TEAD4: variants seen among roughly 807,000 people sequenced by gnomAD.
TEAD4 encodes transcriptional enhancer factor TEF-3.
In TEAD4, 36 loss-of-function variants were observed where a neutral mutation model predicts 52.4. The ratio of observed to expected loss-of-function variants is 0.69; its 90% confidence interval spans 0.53 to 0.91. The LOEUF (loss-of-function observed/expected upper bound fraction) is 0.91. Among genes scored for constraint, TEAD4 ranks in the 40% least tolerant of loss-of-function variants. The pLI is 0.00. For synonymous variants in TEAD4, 220 were observed against 231.0 expected (o/e 0.95, Z 0.43); for missense variants, 508 against 583.9 (o/e 0.87, Z 1.34).
intron 2 of TEAD4, among the ~76,000 whole-genome samples, chr12:2,987,441 TTTTG>T (rs869040505): frequency 4.6e-5 from 7 of 151,694 alleles, no homozygotes; most frequent in East Asian, 2.0e-4. Flanking sequence ...TTTTGTTTTG[TTTTG>T]TTTTTTTGAG....
intron 10 of TEAD4, among the ~76,000 whole-genome samples, chr12:3,027,850 G>C (rs562544684): frequency 7.2e-5 from 11 of 152,324 alleles, no homozygotes; most frequent in African/African-American, 2.6e-4. Flanking sequence ...CTGGGTGACA[G>C]AGCAAGATCC....
At chr12:3,030,533 C>A (rs559845843) in intron 10 of TEAD4, among the ~76,000 whole-genome samples, 1 of 152,300 alleles carries the variant, frequency 6.6e-6, no homozygotes, top group South Asian at 2.1e-4. Flanking sequence ...CCCGTGGAAT[C>A]CAGTGTGGTC....
rs1223331098 is a variant in TEAD4, at chr12:3,038,090, G to C, written c.1020G>C (p.Gln340His). 4 of 1,613,006 alleles carry C rather than the reference G, an allele frequency of 2.5e-6. No individual in the cohort carries two copies. Among genetic ancestry groups the C allele is most frequent in the Non-Finnish European group, 3.4e-6 (4 of 1,179,264 alleles). ...CGAAGGTCTGCTCTTTCGGCAAGCAGGTGGTGGAGAAAGTTGAGGTAGGAG... is the reference window on the plus strand; with the variant it reads ...CGAAGGTCTGCTCTTTCGGCAAGCACGTGGTGGAGAAAGTTGAGGTAGGAG... Residue 340 changes from glutamine (Q) to histidine (H), a missense_variant, in exon 11 of 13, where the codon CAG (glutamine) becomes CAC (histidine). Physicochemically the swap from Gln to His is conservative, Grantham distance 24. Coordinates refer to ENST00000359864, the MANE Select transcript of TEAD4 (RefSeq NM_003213.4).
intron 2 of TEAD4, chr12:2,960,462 A>G: frequency 1.5e-6 from 1 of 649,056 alleles, no homozygotes; most frequent in Non-Finnish European, 1.9e-6. Flanking sequence ...CCTGATGGGG[A>G]CTAGTGGATC....
At chr12:2,976,934 A>T (rs1415806550) in intron 2 of TEAD4, among the ~76,000 whole-genome samples, 2 of 152,150 alleles carry the variant, frequency 1.3e-5, no homozygotes, top group East Asian at 3.9e-4. Context: ...ATCCCAGGCC[A>T]TCTCCATTTA....
chr12:2,991,794 C>T (rs939593968), intron 2 of TEAD4, among the ~76,000 whole-genome samples: 3 of 152,150 alleles, frequency 2.0e-5, no homozygotes, highest in Non-Finnish European at 2.9e-5. Flanking sequence ...CCCAAACTCT[C>T]ATGAAAACTT....
chr12:3,019,871 G>A (rs1321094375), intron 8 of TEAD4, among the ~76,000 whole-genome samples: 2 of 152,058 alleles, frequency 1.3e-5, no homozygotes, highest in Non-Finnish European at 2.9e-5. Context: ...AAGTCACAGC[G>A]TCAGGTCCCG....
intron 10 of TEAD4, among the ~76,000 whole-genome samples, chr12:3,025,168 T>C (rs2098271323): frequency 1.3e-5 from 2 of 152,218 alleles, no homozygotes; most frequent in Admixed American, 1.3e-4. Flanking sequence ...GGTCTTGAAC[T>C]CCTGACCTCA....
intron 2 of TEAD4, among the ~76,000 whole-genome samples, chr12:2,979,694 A>G (rs1043486667): frequency 1.3e-5 from 2 of 152,196 alleles, no homozygotes; most frequent in African/African-American, 2.4e-5. Context: ...TTGCATCTTC[A>G]TAGATGACTC....
intron 8 of TEAD4, 83 bp from the exon 9 acceptor site, chr12:3,020,551 A>G: frequency 3.5e-6 from 5 of 1,419,868 alleles, no homozygotes; most frequent in Non-Finnish European, 4.6e-6. Context: ...GGTCTGTCCG[A>G]GGAGGCCTGG....
rs1275981348 is a variant in TEAD4, at chr12:2,997,827, TA to T, written c.226+2841del. Among the ~76,000 whole-genome samples, 3 of 151,704 alleles carry T rather than the reference TA, an allele frequency of 2.0e-5. No homozygotes were observed. In the East Asian group the frequency reaches 5.8e-4, roughly 29 times the overall value. On this transcript the variant is annotated intron_variant, in intron 3 of 12. Coordinates refer to ENST00000359864, the MANE Select transcript of TEAD4 (RefSeq NM_003213.4). ...TTTCGGGGGGGGGGTGTGTGTGTGTTAAAAAATACGTAACATTTTCCATTTT... is the reference window on the plus strand; with the variant it reads ...TTTCGGGGGGGGGGTGTGTGTGTGTTAAAAATACGTAACATTTTCCATTTT...
chr12:2,978,916 TTTTG>T (rs1355024550), intron 2 of TEAD4, among the ~76,000 whole-genome samples: 2 of 151,916 alleles, frequency 1.3e-5, no homozygotes, highest in Admixed American at 6.6e-5. Context: ...TTCATGCCTT[TTTTG>T]TTTGTTTGTT....
intron 10 of TEAD4, among the ~76,000 whole-genome samples, chr12:3,032,328 A>G (rs1240897638): frequency 1.3e-5 from 2 of 152,082 alleles, no homozygotes; most frequent in Non-Finnish European, 2.9e-5. Flanking sequence ...CGTGTGCTGT[A>G]CGGACCCAGC....
intron 4 of TEAD4, among the ~76,000 whole-genome samples, 196 bp from the exon 5 acceptor site, chr12:3,011,974 A>G (rs1308759244): frequency 6.6e-6 from 1 of 152,182 alleles, no homozygotes; most frequent in Non-Finnish European, 1.5e-5. Context: ...CCGGCACTGC[A>G]CTTTTGAAAT....
chr12:2,986,110 AT>A (rs1439133237), intron 2 of TEAD4, among the ~76,000 whole-genome samples: 1 of 152,002 alleles, frequency 6.6e-6, no homozygotes, highest in Non-Finnish European at 1.5e-5. Flanking sequence ...CTAAAAAAAA[AT>A]AATAAAAACA....
intron 10 of TEAD4, among the ~76,000 whole-genome samples, chr12:3,029,877 T>C (rs1043684162): frequency 6.6e-6 from 1 of 152,218 alleles, no homozygotes; most frequent in Admixed American, 6.5e-5. Flanking sequence ...AGCTGTTTTA[T>C]TGGGGAAATC....
intron 10 of TEAD4, among the ~76,000 whole-genome samples, chr12:3,030,818 G>A (rs571145176): frequency 2.6e-5 from 4 of 152,274 alleles, no homozygotes; most frequent in Non-Finnish European, 4.4e-5. Context: ...GAGGAGTGCT[G>A]GGTGGACGGT....
At chr12:3,018,452 T>TG in intron 6 of TEAD4, 93 bp from the exon 7 acceptor site, 1 of 1,467,756 alleles carries the variant, frequency 6.8e-7, no homozygotes, top group East Asian at 2.3e-5. Flanking sequence ...CTCCTCCCAG[T>TG]GGAGGCCCTG....
chr12:2,994,820 C>G lies in TEAD4; in HGVS notation c.54C>G (p.Ser18=). The G allele has an allele frequency of 6.2e-7, 1 of 1,613,974 alleles. No homozygotes were observed. The highest frequency in any genetic ancestry group is 8.5e-7 in the Non-Finnish European group (1 of 1,180,000). The change falls in exon 3 of 13, where the codon TCC becomes TCG. Residue 18 remains serine (S), a synonymous_variant. Transcript: ENST00000359864. This position sits in a 1 kb window ranked among gnomAD's most constrained non-coding sequence, Gnocchi z 4.7. ...CCAACGAGTGGAGCTCTCCCACCTC[C>G]CCTGAGGGGAGCACCGCCTCTGGGG...
Sources: gnomAD v4.1 joint callset for allele counts (sites outside exome capture counted in the v4.1 genomes callset) on GRCh38, gnomAD v4.1.1 for gene constraint, Gnocchi (gnomAD v3.1) non-coding constraint, MANE v1.5 for transcripts, NCBI Gene and HGNC (gene_info 2026-07-23, HGNC 2026-07-21) for gene names.